The following FLT1 variants were observed in gnomAD, a reference collection of about 807,000 sequenced individuals.
The protein encoded by FLT1 is fms related receptor tyrosine kinase 1.
Under a neutral mutation model 156.3 loss-of-function variants are expected in FLT1, and 49 were observed. That is an observed-to-expected ratio of 0.31 (90% CI 0.25 to 0.40). The LOEUF (loss-of-function observed/expected upper bound fraction) is 0.40. FLT1 is among the 10% of genes least tolerant of loss of function. The pLI is 1.00. For synonymous variants in FLT1, 594 were observed against 583.8 expected (o/e 1.02, Z -0.25); for missense variants, 1,322 against 1,637.2 (o/e 0.81, Z 3.32).
At chr13:28,365,641 C>T (rs1212732337) in intron 14 of FLT1, among the ~76,000 whole-genome samples, 3 of 152,144 alleles carry the variant, frequency 2.0e-5, no homozygotes, top group Non-Finnish European at 2.9e-5. Context: ...CGTGAGCCAC[C>T]GTGCTCAGCC....
intron 3 of FLT1, among the ~76,000 whole-genome samples, chr13:28,443,971 G>A (rs1341870014): frequency 6.6e-6 from 1 of 152,196 alleles, no homozygotes; most frequent in African/African-American, 2.4e-5. Context: ...AGTGAAGATA[G>A]AGAGGGGTGT....
chr13:28,411,805 T>G (rs1416676239), intron 10 of FLT1, among the ~76,000 whole-genome samples: 3 of 152,156 alleles, frequency 2.0e-5, no homozygotes, highest in Non-Finnish European at 4.4e-5. Context: ...AATGAATGTT[T>G]ATATAAATGT....
At chr13:28,354,722 A>G (rs2138869465) in intron 15 of FLT1, among the ~76,000 whole-genome samples, 1 of 152,274 alleles carries the variant, frequency 6.6e-6, no homozygotes, top group Admixed American at 6.5e-5. Flanking sequence ...AGCAAAGGAG[A>G]AGGCCAAAAA....
At chr13:28,390,187 C>T (rs1874623934) in intron 12 of FLT1, 83 bp from the exon 13 acceptor site, 5 of 1,565,306 alleles carry the variant, frequency 3.2e-6, no homozygotes, top group African/African-American at 1.4e-5. Flanking sequence ...AAGAATTGTT[C>T]GTGCACAAAT....
intron 15 of FLT1, among the ~76,000 whole-genome samples, chr13:28,356,662 A>T (rs1007274728): frequency 2.6e-5 from 4 of 152,216 alleles, no homozygotes; most frequent in Admixed American, 2.6e-4. Context: ...GGGGGAAAAA[A>T]ACTGAAGTAC....
intron 6 of FLT1, among the ~76,000 whole-genome samples, chr13:28,433,090 T>C (rs968576619): frequency 7.2e-5 from 11 of 152,188 alleles, no homozygotes; most frequent in Non-Finnish European, 1.5e-5. Context: ...AATTGGGCAA[T>C]CTGAACGACA....
chr13:28,405,031 A>G (rs901673347), intron 11 of FLT1, among the ~76,000 whole-genome samples: 6 of 151,706 alleles, frequency 4.0e-5, no homozygotes, highest in Admixed American at 6.6e-5. Context: ...AAAAAAAAAA[A>G]AAAAAGAAAA....
At chr13:28,451,203 G>T (rs1411838263) in intron 3 of FLT1, among the ~76,000 whole-genome samples, 1 of 152,152 alleles carries the variant, frequency 6.6e-6, no homozygotes, top group African/African-American at 2.4e-5. Context: ...TGGGAGGACT[G>T]CCTGAGCTCA....
At chr13:28,453,221 T>G (rs1201572242) in intron 3 of FLT1, among the ~76,000 whole-genome samples, 1 of 151,216 alleles carries the variant, frequency 6.6e-6, no homozygotes, top group Non-Finnish European at 1.5e-5. Context: ...CCTCCTGGGT[T>G]CAAGTGATTC....
In FLT1 at chr13:28,385,036, T is replaced by G. The variant is rs771823789; in HGVS notation, c.1970-5A>C. The G allele has an allele frequency of 3.1e-6, 5 of 1,614,082 alleles. No individual in the cohort carries two copies. Among genetic ancestry groups the G allele is most frequent in the Non-Finnish European group, 2.5e-6 (3 of 1,179,966 alleles). Reference sequence around the variant, plus strand: ...GGAGGTATGGTGCTTCCTGATCTAGTGAAGAAAGAAAGGGAGCTGTGATTA... The same window carrying G: ...GGAGGTATGGTGCTTCCTGATCTAGGGAAGAAAGAAAGGGAGCTGTGATTA... On this transcript the variant is annotated splice_region_variant and splice_polypyrimidine_tract_variant and intron_variant, in intron 13 of 29. Coordinates refer to ENST00000282397, the MANE Select transcript of FLT1 (RefSeq NM_002019.4).
At chr13:28,314,896 G>A (rs747321600) in intron 25 of FLT1, among the ~76,000 whole-genome samples, 6 of 152,184 alleles carry the variant, frequency 3.9e-5, no homozygotes, top group Admixed American at 1.3e-4. Flanking sequence ...CTACCTGAGC[G>A]AGGTTTATGT....
chr13:28,459,309 T>C (rs79034368), intron 3 of FLT1, among the ~76,000 whole-genome samples: 10,417 of 152,266 alleles, frequency 0.068, 399 homozygotes, highest in South Asian at 0.11. Flanking sequence ...CTGTCTGCAC[T>C]TGTGGCCTCC....
intron 14 of FLT1, among the ~76,000 whole-genome samples, chr13:28,370,183 C>CA (rs1873492415): frequency 6.7e-6 from 1 of 148,278 alleles, no homozygotes; most frequent in Non-Finnish European, 1.5e-5. Context: ...GACCCTGTCT[C>CA]AAAAAGAAAA....
At chr13:28,374,816 C>A (rs554815709) in intron 14 of FLT1, among the ~76,000 whole-genome samples, 1 of 152,034 alleles carries the variant, frequency 6.6e-6, no homozygotes, top group Non-Finnish European at 1.5e-5. Context: ...CCCGGCCCTC[C>A]TATTTCTTAT....
In FLT1 at chr13:28,305,214, G is replaced by A. The variant is rs147656089; in HGVS notation, c.3815+1464C>T. Among the ~76,000 whole-genome samples, 706 of 152,214 alleles carry A rather than the reference G, an allele frequency of 4.6e-3. 3 individuals are homozygous for A. The highest frequency in any genetic ancestry group is 0.017 in the Middle Eastern group (5 of 294). ...ACTTCATCTAGCTATCCTCATGGGC[G>A]TAAAGTGGTATCTTATGGTAATTTC... is the stretch of plus-strand genomic sequence containing the variant. On this transcript the variant is annotated intron_variant, in intron 29 of 29. Coordinates refer to ENST00000282397, the MANE Select transcript of FLT1 (RefSeq NM_002019.4).
rs1233963110 is a variant in FLT1, at chr13:28,434,173, G to T, written c.561C>A (p.Asp187Glu). ...TTGATATGATGAAGCCCTTTCTACTGTCCCAGATTATGCGTTTTCCATCAG... is the reference window on the plus strand; with the variant it reads ...TTGATATGATGAAGCCCTTTCTACTTTCCCAGATTATGCGTTTTCCATCAG... ...LIPDGKRIIW[D>E]SRKGFIISNA... The change falls in exon 5 of 30, where the codon GAC (aspartate) becomes GAA (glutamate). Residue 187 changes from aspartate to glutamate, a missense_variant. Physicochemically the swap from Asp to Glu is conservative, Grantham distance 45 (BLOSUM62 2). Transcript: ENST00000282397. 6.2e-7 allele frequency: 1 copy of T among 1,614,008 alleles called. No homozygotes were observed. The highest frequency in any genetic ancestry group is 1.1e-5 in the South Asian group (1 of 91,088).
intron 3 of FLT1, among the ~76,000 whole-genome samples, chr13:28,463,237 G>A (rs1433020564): frequency 6.6e-6 from 1 of 152,134 alleles, no homozygotes; most frequent in African/African-American, 2.4e-5. Flanking sequence ...CTAGAGGTTT[G>A]GTGGATTTAT....
intron 10 of FLT1, among the ~76,000 whole-genome samples, chr13:28,407,406 T>A (rs1384254091): frequency 6.6e-6 from 1 of 152,136 alleles, no homozygotes; most frequent in Non-Finnish European, 1.5e-5. Context: ...TTATTTATTT[T>A]AAAATTTTTC....
chr13:28,314,208 A>G (rs1427328165), intron 25 of FLT1, among the ~76,000 whole-genome samples: 2 of 152,094 alleles, frequency 1.3e-5, no homozygotes, highest in Admixed American at 6.6e-5. Flanking sequence ...TCCCCACAGG[A>G]TCAAGCTGCT....
Sources: allele counts gnomAD v4.1 joint callset (sites outside exome capture counted in the v4.1 genomes callset), GRCh38; gene constraint gnomAD v4.1.1; transcripts MANE v1.5; gene names NCBI Gene and HGNC (gene_info 2026-07-23, HGNC 2026-07-21).